The following INPP4B variants were observed in gnomAD, a reference collection of about 807,000 sequenced individuals.
INPP4B encodes the protein inositol polyphosphate-4-phosphatase type II B.
In INPP4B, 55 loss-of-function variants were observed where a neutral mutation model predicts 122.5. The ratio of observed to expected loss-of-function variants is 0.45; its 90% CI spans 0.36 to 0.56. INPP4B has a LOEUF of 0.56. Among genes scored for constraint, INPP4B ranks in the 20% least tolerant of loss-of-function variants. INPP4B has a pLI of 0.00. For synonymous variants in INPP4B, 403 were observed against 388.7 expected, an observed-to-expected ratio of 1.04 and a Z score of -0.43; for missense variants, 1,000 against 1,097.7, an observed-to-expected ratio of 0.91 and a Z score of 1.26.
At chr4:142,377,327 A>T (rs1338458092) in intron 7 of INPP4B, among the ~76,000 whole-genome samples, 1 of 139,140 alleles carries the variant, frequency 7.2e-6, no homozygotes, top group African/African-American at 2.7e-5. Flanking sequence ...GAGGAAAGTT[A>T]AAAAAAAAAA....
intron 12 of INPP4B, 41 bp from the exon 13 acceptor site, chr4:142,209,067 T>C (rs1843738030): frequency 1.4e-6 from 2 of 1,472,506 alleles, no homozygotes; most frequent in Non-Finnish European, 1.9e-6. Flanking sequence ...ATTTTTATCT[T>C]AAATCCATAA....
chr4:142,612,859 T>G (rs549132223), intron 2 of INPP4B, among the ~76,000 whole-genome samples: 1 of 152,254 alleles, frequency 6.6e-6, no homozygotes, highest in South Asian at 2.1e-4. Flanking sequence ...AGCACTCTTC[T>G]CACTTAGTAA....
intron 14 of INPP4B, among the ~76,000 whole-genome samples, chr4:142,203,928 T>C (rs566915029): frequency 1.3e-5 from 2 of 152,214 alleles, no homozygotes; most frequent in South Asian, 4.1e-4. Flanking sequence ...TACCTTGCAA[T>C]AATAATTCAG....
At chr4:142,244,197 T>G (rs184741671) in intron 11 of INPP4B, among the ~76,000 whole-genome samples, 2 of 151,702 alleles carry the variant, frequency 1.3e-5, no homozygotes, top group African/African-American at 4.8e-5. Context: ...TTGCTGAGAA[T>G]AATGGTTTCC....
In INPP4B at chr4:142,145,726, T is replaced by C. The variant is rs1200288495; in HGVS notation, c.1720+114A>G. ...GCCAGAGCAGTGGAAAAGCATGCTA[T>C]CAGCACTCTCATCAAAGATACTATT... On this transcript the variant is annotated intron_variant, in intron 18 of 25. Coordinates refer to ENST00000262992, the MANE Select transcript of INPP4B (RefSeq NM_001101669.3). 3.0e-6 allele frequency: 3 copies of C among 985,560 alleles called. No individual in the cohort carries two copies. In the African/African-American group the frequency reaches 4.9e-5, roughly 16 times the overall value. The allele number at this position is 985,560 out of a possible 1,614,324, so 61.1% of individuals were successfully genotyped here. A position where few individuals can be genotyped will look rare whatever the true frequency, so the allele number is the denominator to read the frequency against.
At chr4:142,181,038 G>A (rs1830553528) in intron 15 of INPP4B, among the ~76,000 whole-genome samples, 1 of 152,150 alleles carries the variant, frequency 6.6e-6, no homozygotes, top group African/African-American at 2.4e-5. Context: ...GATGATGCCA[G>A]CCCACTAAAC....
At chr4:142,087,663 A>T (rs1194691795) in intron 23 of INPP4B, among the ~76,000 whole-genome samples, 1 of 152,240 alleles carries the variant, frequency 6.6e-6, no homozygotes, top group African/African-American at 2.4e-5. Context: ...TCTTCCTTAC[A>T]AGTTCACAAA....
chr4:142,609,640 A>G (rs1742050254), intron 2 of INPP4B, among the ~76,000 whole-genome samples: 1 of 152,190 alleles, frequency 6.6e-6, no homozygotes. Context: ...TGTTTCTCCA[A>G]AAAAAGCTTA....
rs758041565 is a variant in INPP4B, at chr4:142,405,157, GCAA to G, written c.255+46_255+48del. On this transcript the variant is annotated intron_variant, in intron 6 of 25. Coordinates refer to ENST00000262992, the MANE Select transcript of INPP4B (RefSeq NM_001101669.3). ...AGAGAGAGCAAGAGCGAGCGAGCCA[GCAA>G]GAGAGAGAGAGAGAGAGAGATTAAT... 5.5e-6 allele frequency: 6 copies of G among 1,086,064 alleles called. No homozygotes were observed. The South Asian group carries it at 6.4e-5, about 12-fold the overall frequency. The allele number at this position is 1,086,064 out of a possible 1,614,324, so 67.3% of individuals were successfully genotyped here. A position where few individuals can be genotyped will look rare whatever the true frequency, so the allele number is the denominator to read the frequency against.
intron 7 of INPP4B, 144 bp downstream of exon 7, chr4:142,402,794 G>GA (rs1221742909): frequency 1.3e-5 from 8 of 594,918 alleles, no homozygotes; most frequent in African/African-American, 7.6e-5. Context: ...ACATATTTGG[G>GA]AAAAAAACAA....
At chr4:142,216,352 G>C (rs1333684406) in intron 12 of INPP4B, among the ~76,000 whole-genome samples, 2 of 152,114 alleles carry the variant, frequency 1.3e-5, no homozygotes, top group Non-Finnish European at 2.9e-5. Context: ...AATAAGCTTA[G>C]GCCTCTTACA....
chr4:142,103,146 T>C (rs545199290), intron 23 of INPP4B, among the ~76,000 whole-genome samples: 75 of 152,190 alleles, frequency 4.9e-4, no homozygotes, highest in African/African-American at 1.7e-3. Context: ...TCAAATCCAA[T>C]AGCTTCACTT....
At chr4:142,686,502 C>G (rs1446847176) in intron 2 of INPP4B, among the ~76,000 whole-genome samples, 2 of 152,038 alleles carry the variant, frequency 1.3e-5, no homozygotes, top group Admixed American at 1.3e-4. Context: ...GACTAATGCA[C>G]CACTGAGTCA....
At chr4:142,671,700 C>A (rs1461093902) in intron 2 of INPP4B, among the ~76,000 whole-genome samples, 1 of 152,034 alleles carries the variant, frequency 6.6e-6, no homozygotes, top group Non-Finnish European at 1.5e-5. Context: ...GGTCTTAGTT[C>A]CAAGATAGTA....
At chr4:142,514,026 G>C (rs1000457769) in intron 2 of INPP4B, among the ~76,000 whole-genome samples, 1 of 152,146 alleles carries the variant, frequency 6.6e-6, no homozygotes, top group Admixed American at 6.5e-5. Context: ...AGAGGAGAAA[G>C]GGGGAAGTGC....
intron 7 of INPP4B, among the ~76,000 whole-genome samples, chr4:142,325,630 T>C (rs1027242445): frequency 8.5e-5 from 13 of 152,208 alleles, no homozygotes; most frequent in African/African-American, 2.4e-4. Context: ...AGCACTCTTT[T>C]AGTTTGGATG....
At chr4:142,601,276 A>G (rs933330659) in intron 2 of INPP4B, among the ~76,000 whole-genome samples, 10 of 152,298 alleles carry the variant, frequency 6.6e-5, no homozygotes, top group African/African-American at 2.4e-4. Flanking sequence ...CACATGGAAC[A>G]TTCTCCAGGA....
chr4:142,723,926 G>A (rs573319782), intron 2 of INPP4B, among the ~76,000 whole-genome samples: 1 of 152,016 alleles, frequency 6.6e-6, no homozygotes. Context: ...TGACATAAAC[G>A]TCATTTCTCC....
chr4:142,652,910 T>C (rs1753313052), intron 2 of INPP4B, among the ~76,000 whole-genome samples: 1 of 152,008 alleles, frequency 6.6e-6, no homozygotes, highest in Admixed American at 6.6e-5. Flanking sequence ...GCCAAGACAA[T>C]CCTAAGACAA....
Sources: gnomAD v4.1 joint callset for allele counts (sites outside exome capture counted in the v4.1 genomes callset) on GRCh38, gnomAD v4.1.1 for gene constraint, MANE v1.5 for transcripts, NCBI Gene and HGNC (gene_info 2026-07-23, HGNC 2026-07-21) for gene names.